The following ARHGEF18 variants were observed in gnomAD, a reference collection of about 807,000 sequenced individuals.
ARHGEF18 encodes rho guanine nucleotide exchange factor 18.
Under a neutral mutation model 155.7 loss-of-function variants are expected in ARHGEF18, and 93 were observed. The observed-to-expected ratio is 0.60, with a 90% confidence interval of 0.50 to 0.71. ARHGEF18 has a LOEUF of 0.71. Among genes scored for constraint, ARHGEF18 ranks in the 30% least tolerant of loss-of-function variants. The probability of loss-of-function intolerance (pLI) is 0.00; values close to 1 mark genes in which losing one functional copy is unlikely to be tolerated. For missense variants in ARHGEF18, 1,593 were observed against 1,816.1 expected, an observed-to-expected ratio of 0.88 and a Z score of 2.23; for synonymous variants, 742 against 753.1, an observed-to-expected ratio of 0.99 and a Z score of 0.24.
Position 7,372,675 on chromosome 19 carries a change from G to A in ARHGEF18, c.16-137G>A, listed in dbSNP as rs191520631. The A allele has an allele frequency of 2.6e-4, 231 of 888,412 alleles. 1 individual carries two copies. The African/African-American group carries it at 3.6e-3, about 14-fold the overall frequency. 55.0% of individuals were successfully genotyped at this position (888,412 alleles called of 1,614,324 possible). On this transcript the variant is annotated intron_variant, in intron 2 of 28. Coordinates refer to ENST00000668164, the MANE Select transcript of ARHGEF18 (RefSeq NM_001367823.1). The stretch of plus-strand genomic sequence containing the variant: ...CCATCCCACCCGCTGTGAGGAGGGC[G>A]CTGAGCCCAGGAGGGACAGGTAGGG...
At chr19:7,364,608 C>G (rs1388552532) in intron 2 of ARHGEF18, among the ~76,000 whole-genome samples, 1 of 152,168 alleles carries the variant, frequency 6.6e-6, no homozygotes, top group Non-Finnish European at 1.5e-5. Context: ...AAGAAAGACC[C>G]TGAAAGCTTG....
chr19:7,368,791 G>T (rs1600206461), intron 2 of ARHGEF18, among the ~76,000 whole-genome samples: 1 of 152,276 alleles, frequency 6.6e-6, no homozygotes, highest in South Asian at 2.1e-4. Context: ...GAGCCATTTG[G>T]GGGGTAAGTG....
intron 1 of ARHGEF18, among the ~76,000 whole-genome samples, chr19:7,358,321 CCATT>C (rs1969409919): frequency 1.3e-5 from 2 of 151,952 alleles, no homozygotes; most frequent in South Asian, 4.2e-4. Flanking sequence ...AACCATCCAT[CCATT>C]CAACATCCAT....
rs1469938506 is a variant in ARHGEF18, at chr19:7,470,052, G to A, written c.3913+23G>A. The A allele has an allele frequency of 3.1e-6, 5 of 1,611,964 alleles. No homozygotes were observed. The African/African-American group carries it at 6.7e-5, about 22-fold the overall frequency. ...CAGGTGAGCCCCCACCCCCTGACATGAGCCCAGTCCCAGGGCAGCGGGGCT... is the reference window on the plus strand; with the variant it reads ...CAGGTGAGCCCCCACCCCCTGACATAAGCCCAGTCCCAGGGCAGCGGGGCT... On this transcript the variant is annotated intron_variant, in intron 28 of 28. Coordinates refer to ENST00000668164, the MANE Select transcript of ARHGEF18 (RefSeq NM_001367823.1). The surrounding 1 kb of genome is among the most constrained non-coding windows in gnomAD (Gnocchi z 5.9).
chr19:7,402,527 G>A (rs1972070022), intron 10 of ARHGEF18, among the ~76,000 whole-genome samples: 1 of 152,104 alleles, frequency 6.6e-6, no homozygotes, highest in Non-Finnish European at 1.5e-5. Flanking sequence ...TGAGTTGTGT[G>A]GTATGATAAT....
chr19:7,413,428 A>G (rs375246700), intron 10 of ARHGEF18, among the ~76,000 whole-genome samples: 1 of 151,866 alleles, frequency 6.6e-6, no homozygotes, highest in African/African-American at 2.4e-5. Context: ...CAGCCTCCCA[A>G]GTAGCTGGGA....
chr19:7,419,230 T>C (rs12975715), intron 10 of ARHGEF18, among the ~76,000 whole-genome samples: 68,445 of 137,922 alleles, frequency 0.5, 18,273 homozygotes, highest in Middle Eastern at 0.71. Context: ...ACTCGGCCTC[T>C]GTACCCCGAT....
At chr19:7,401,201 G>A (rs767270428) in intron 10 of ARHGEF18, among the ~76,000 whole-genome samples, 15 of 152,140 alleles carry the variant, frequency 9.9e-5, no homozygotes, top group African/African-American at 3.4e-4. Context: ...GCTCTGTAGC[G>A]CTGACAATGC....
intron 10 of ARHGEF18, among the ~76,000 whole-genome samples, chr19:7,405,855 CA>C: frequency 7.0e-6 from 1 of 143,654 alleles, no homozygotes; most frequent in Admixed American, 6.6e-5. Context: ...CTCTTGGGCT[CA>C]AGGGATCCTG....
chr19:7,411,320 T>C (rs1972675192), intron 10 of ARHGEF18, among the ~76,000 whole-genome samples: 1 of 123,732 alleles, frequency 8.1e-6, no homozygotes, highest in Non-Finnish European at 1.7e-5. Context: ...TTTCTATTTC[T>C]TTTCTTGACA....
chr19:7,444,374 G>A lies in ARHGEF18; in HGVS notation c.1531G>A (p.Glu511Lys), dbSNP rs1974862257. Reference protein sequence around the residue: ...THSHFLARLKERRQESLEEGS... With the variant: ...THSHFLARLKKRRQESLEEGS... Reference sequence around the variant, plus strand: ...CAGCCACTTCCTCGCTCGGCTCAAGGAGCGCCGCCAGGAGTCCCTGGAGGA... The same window carrying A: ...CAGCCACTTCCTCGCTCGGCTCAAGAAGCGCCGCCAGGAGTCCCTGGAGGA... Residue 511 changes from glutamate to lysine, a missense_variant, in exon 14 of 29, where the codon GAG becomes AAG. Physicochemically the swap from Glu to Lys is moderately conservative, Grantham distance 56 (BLOSUM62 1). Transcript: ENST00000668164. The surrounding 1 kb of genome is among the most constrained non-coding windows in gnomAD (Gnocchi z 4.7). 6.2e-7 allele frequency: 1 copy of A among 1,613,536 alleles called. No homozygotes were observed. The highest frequency in any genetic ancestry group is 1.3e-5 in the African/African-American group (1 of 74,950).
At chr19:7,379,014 C>A in intron 6 of ARHGEF18, 108 bp from the exon 7 acceptor site, 1 of 942,328 alleles carries the variant, frequency 1.1e-6, no homozygotes, top group Non-Finnish European at 1.4e-6. Flanking sequence ...TGAGTAGGGT[C>A]TGCATCAGGA....
intron 10 of ARHGEF18, among the ~76,000 whole-genome samples, chr19:7,438,572 T>C (rs914802141): frequency 6.6e-6 from 1 of 151,778 alleles, no homozygotes; most frequent in African/African-American, 2.4e-5. Context: ...CCACCATGCC[T>C]GGCTAATTTT....
At chr19:7,382,942 G>T in intron 9 of ARHGEF18, 48 bp downstream of exon 9, 1 of 1,232,466 alleles carries the variant, frequency 8.1e-7, no homozygotes, top group South Asian at 4.1e-5. Context: ...TCCCCAGCTT[G>T]GCTTGCTGCC....
intron 16 of ARHGEF18, among the ~76,000 whole-genome samples, chr19:7,453,004 T>G (rs1382753481): frequency 6.6e-6 from 1 of 151,646 alleles, no homozygotes; most frequent in African/African-American, 2.4e-5. Context: ...GAGACCAGCC[T>G]GGCCAACATA....
rs1223360144 is a variant in ARHGEF18, at chr19:7,440,361, C to T, written c.985C>T (p.Pro329Ser). Residue 329 changes from proline to serine, a missense_variant, in exon 11 of 29, where the codon CCC (proline) becomes TCC (serine). Pro to Ser is a moderately conservative substitution (Grantham distance 74). Coordinates refer to ENST00000668164, the MANE Select transcript of ARHGEF18 (RefSeq NM_001367823.1). The surrounding 1 kb of genome is among the most constrained non-coding windows in gnomAD (Gnocchi z 5.4). ...TGTCACAGCCTCGCTCAAGGAGCACCCCCGGGGCACCCTCCTGTCCGATGG... is the reference window on the plus strand; with the variant it reads ...TGTCACAGCCTCGCTCAAGGAGCACTCCCGGGGCACCCTCCTGTCCGATGG... ...FLSSASLKEHPRGTLLSDGSP... is the reference protein window; with the variant it reads ...FLSSASLKEHSRGTLLSDGSP... 6.2e-7 allele frequency: 1 copy of T among 1,612,546 alleles called. No homozygotes were observed.
intron 14 of ARHGEF18, among the ~76,000 whole-genome samples, chr19:7,445,001 G>A (rs904814794): frequency 1.3e-5 from 2 of 152,104 alleles, no homozygotes; most frequent in Admixed American, 1.3e-4. Flanking sequence ...CCCTTACAGC[G>A]ATGCCTGCAG....
At chr19:7,358,512 C>G (rs746688915) in intron 1 of ARHGEF18, among the ~76,000 whole-genome samples, 27 of 152,092 alleles carry the variant, frequency 1.8e-4, no homozygotes, top group South Asian at 4.2e-4. Flanking sequence ...ATCCATCCAT[C>G]CTTCTACACA....
chr19:7,426,095 C>A (rs1489621806), intron 10 of ARHGEF18, among the ~76,000 whole-genome samples: 3 of 152,132 alleles, frequency 2.0e-5, no homozygotes, highest in Non-Finnish European at 2.9e-5. Flanking sequence ...AGGAGGATGG[C>A]TAGAGCCTAG....
Sources: gnomAD v4.1 joint callset for allele counts (sites outside exome capture counted in the v4.1 genomes callset) on GRCh38, gnomAD v4.1.1 for gene constraint, Gnocchi (gnomAD v3.1) non-coding constraint, MANE v1.5 for transcripts, NCBI Gene and HGNC (gene_info 2026-07-23, HGNC 2026-07-21) for gene names.